Variants in KLF4 observed in about 807,000 individuals in gnomAD.
KLF4 encodes the protein KLF transcription factor 4.
A neutral mutation model predicts 38.0 loss-of-function variants in KLF4; 14 were observed. The observed-to-expected ratio is 0.37, with a 90% CI of 0.24 to 0.58. KLF4 has a LOEUF of 0.58. Ranked by LOEUF, KLF4 falls within the 20% of genes least tolerant of loss-of-function variation. The pLI, the probability that KLF4 is intolerant of heterozygous loss-of-function variation, is 0.76. For missense variants in KLF4, 737 were observed against 670.1 expected (o/e 1.10, Z -1.10); for synonymous variants, 398 against 302.5 (o/e 1.32, Z -3.28).
intron 4 of KLF4, among the ~76,000 whole-genome samples, chr9:107,486,544 A>C (rs1426253790): frequency 6.6e-6 from 1 of 151,968 alleles, no homozygotes; most frequent in East Asian, 1.9e-4. Flanking sequence ...CAAAACGAAC[A>C]AAAAATAAAA....
intron 4 of KLF4, among the ~76,000 whole-genome samples, chr9:107,486,496 CCTT>C (rs1272385859): frequency 6.6e-6 from 1 of 151,338 alleles, no homozygotes; most frequent in Non-Finnish European, 1.5e-5. Context: ...TAAAATAAAA[CCTT>C]CTGCTTGTGG....
rs1348583597 is a variant in KLF4 at position 107,487,571 on chromosome 9, G to A, written c.823C>T (p.Pro275Ser). 1 of 1,580,842 alleles carries A rather than the reference G, an allele frequency of 6.3e-7. No individual in the cohort carries two copies. Among genetic ancestry groups the A allele is most frequent in the Non-Finnish European group, 8.6e-7 (1 of 1,167,654 alleles). ...PYNGGPPRTC[P>S]KIKQEAVSSC... ...GAGACCGCCTCCTGCTTGATCTTGG[G>A]GCACGTGCGCGGCGGCCCGCCGTTG... Residue 275 changes from proline to serine, a missense_variant, in exon 3 of 5, where the codon CCC becomes TCC. Physicochemically the swap from Pro to Ser is moderately conservative, Grantham distance 74. Transcript: ENST00000374672. The surrounding 1 kb of genome is among the most constrained non-coding windows in gnomAD (Gnocchi z 6.1).
At position 107,489,730 on chromosome 9, in the gene KLF4, G is replaced by C. The variant is rs1043434938; in HGVS notation, c.-558C>G. The C allele has an allele frequency of 9.6e-6, 2 of 207,476 alleles. No homozygotes were observed. The highest frequency in any genetic ancestry group is 4.6e-5 in the African/African-American group (2 of 43,920). The allele number at this position is 207,476 out of a possible 1,614,324, so 12.9% of individuals were successfully genotyped here. A position where few individuals can be genotyped will look rare whatever the true frequency, so the allele number is the denominator to read the frequency against. Reference sequence around the variant, plus strand: ...CCGCCACCGCCTCTGCTCCCCGCGCGCCCGCAGACACGTTCGTTCTCTCTG... The same window carrying C: ...CCGCCACCGCCTCTGCTCCCCGCGCCCCCGCAGACACGTTCGTTCTCTCTG... On this transcript the variant is annotated 5_prime_UTR_variant, in exon 1 of 5. Coordinates refer to ENST00000374672, the MANE Select transcript of KLF4 (RefSeq NM_004235.6).
chr9:107,486,724 A>G (rs1829069450), intron 4 of KLF4, among the ~76,000 whole-genome samples: 1 of 152,042 alleles, frequency 6.6e-6, no homozygotes, highest in Admixed American at 6.6e-5. Flanking sequence ...AGGCCCACAG[A>G]CCGCGGGGAA....
Position 107,487,453 on chromosome 9 carries a change from C to T in KLF4, c.941G>A (p.Arg314Lys). The change falls in exon 3 of 5, where the codon AGG becomes AAG. Residue 314 changes from arginine to lysine, a missense_variant. This residue lies in a region of KLF4 where 695 missense variants were observed against 554.5 expected (regional missense o/e 1.25). Transcript: ENST00000374672. The surrounding 1 kb of genome is among the most constrained non-coding windows in gnomAD (Gnocchi z 6.1). ...CTCAAGACCCAGGGTCGGGGTAGTCCTGCTGGGGAGCTGCCGCCCCAGGGG... is the reference window on the plus strand; with the variant it reads ...CTCAAGACCCAGGGTCGGGGTAGTCTTGCTGGGGAGCTGCCGCCCCAGGGG... ...DFPLGRQLPS[R>K]TTPTLGLEEV... 6.5e-7 allele frequency: 1 copy of T among 1,533,148 alleles called. No individual in the cohort carries two copies. The highest frequency in any genetic ancestry group is 8.8e-7 in the Non-Finnish European group (1 of 1,142,100). The allele number at this position is 1,533,148 out of a possible 1,614,324, so 95.0% of individuals were successfully genotyped here.
In KLF4 at chr9:107,489,205, C is replaced by T. The variant is rs1332669998; in HGVS notation, c.-33G>A. 2.4e-5 allele frequency: 35 copies of T among 1,469,422 alleles called. No individual in the cohort carries two copies. Among genetic ancestry groups the T allele is most frequent in the Non-Finnish European group, 3.2e-5 (35 of 1,107,498 alleles). The allele number at this position is 1,469,422 out of a possible 1,614,324, so 91.0% of individuals were successfully genotyped here. A position where few individuals can be genotyped will look rare whatever the true frequency, so the allele number is the denominator to read the frequency against. Reference sequence around the variant, plus strand: ...GGGGCCCAGAAGGTCCTCGGCAGCCCGAAGCAGCTGGGGCACCTGAACCCC... The same window carrying T: ...GGGGCCCAGAAGGTCCTCGGCAGCCTGAAGCAGCTGGGGCACCTGAACCCC... On this transcript the variant is annotated 5_prime_UTR_variant, in exon 1 of 5. Transcript: ENST00000374672.
At position 107,487,407 on chromosome 9, in the gene KLF4, G is replaced by C; in HGVS notation, c.987C>G (p.Asp329Glu). The C allele has an allele frequency of 6.6e-7, 1 of 1,521,426 alleles. No individual in the cohort carries two copies. The highest frequency in any genetic ancestry group is 1.3e-5 in the South Asian group (1 of 76,212). The allele number at this position is 1,521,426 out of a possible 1,614,324, so 94.2% of individuals were successfully genotyped here. The change falls in exon 3 of 5, where the codon GAC becomes GAG. Residue 329 changes from aspartate to glutamate, a missense_variant. Asp to Glu is a conservative substitution (Grantham distance 45). Transcript: ENST00000374672. This position sits in a 1 kb window ranked among gnomAD's most constrained non-coding sequence, Gnocchi z 6.1. ...LGLEEVLSSR[D>E]CHPALPLPPG... ...GAGGAAGCGGCAGGGCAGGGTGACA[G>C]TCCCTGCTGCTCAGCACTTCCTCAA... is the stretch of plus-strand genomic sequence containing the variant.
intron 1 of KLF4, 24 bp from the exon 2 acceptor site, chr9:107,489,074 G>C: frequency 2.6e-6 from 4 of 1,552,574 alleles, no homozygotes; most frequent in Non-Finnish European, 3.5e-6. Context: ...AGGGAGCGGA[G>C]ACAGGAGAGT....
intron 1 of KLF4, 53 bp from the exon 2 acceptor site, chr9:107,489,103 G>T: frequency 3.9e-6 from 6 of 1,549,564 alleles, no homozygotes; most frequent in Non-Finnish European, 5.2e-6. Context: ...GCTTTCGGCC[G>T]TCGTTCCGGC....
rs1370511051 is a variant in KLF4 at position 107,485,747 on chromosome 9, G to C, written c.*4C>G. The C allele has an allele frequency of 1.9e-6, 3 of 1,579,688 alleles. No individual in the cohort carries two copies. In the Admixed American group the frequency reaches 5.9e-5, roughly 31 times the overall value. On this transcript the variant is annotated 3_prime_UTR_variant, in exon 5 of 5. Coordinates refer to ENST00000374672, the MANE Select transcript of KLF4 (RefSeq NM_004235.6). This position sits in a 1 kb window ranked among gnomAD's most constrained non-coding sequence, Gnocchi z 4.9. ...CAGTGTGGGTCATATCCACTGTCTG[G>C]GATTTAAAAATGCCTCTTCATGTGT... is the stretch of plus-strand genomic sequence containing the variant.
rs751611404 is a variant in KLF4 at position 107,488,024 on chromosome 9, C to T, written c.370G>A (p.Val124Met). The change falls in exon 3 of 5, where the codon GTG becomes ATG. Residue 124 changes from valine (V) to methionine (M), a missense_variant. By Grantham distance (21) the Val-to-Met change is conservative. Transcript: ENST00000374672. This position sits in a 1 kb window ranked among gnomAD's most constrained non-coding sequence, Gnocchi z 5.7. ...GAGGAGGCTGACGCTGACGAGGACA[C>T]GGTGGCGGCCACTGACTCCGGAGGA... Reference protein sequence around the residue: ...THPPESVAATVSSSASASSSS... With the variant: ...THPPESVAATMSSSASASSSS... 2.5e-6 allele frequency: 4 copies of T among 1,608,480 alleles called. No individual in the cohort carries two copies. The highest frequency in any genetic ancestry group is 1.1e-5 in the South Asian group (1 of 90,608).
chr9:107,487,582 G>A lies in KLF4; in HGVS notation c.812C>T (p.Pro271Leu). 6.3e-7 allele frequency: 1 copy of A among 1,579,066 alleles called. No homozygotes were observed. The highest frequency in any genetic ancestry group is 8.6e-7 in the Non-Finnish European group (1 of 1,167,408). The change falls in exon 3 of 5, where the codon CCG (proline) becomes CTG (leucine). Residue 271 changes from proline (P) to leucine (L), a missense_variant. Around this residue, in one of 2 missense-constraint regions of KLF4, gnomAD observed 695 missense variants for 554.5 expected, o/e 1.25. Transcript: ENST00000374672. This position sits in a 1 kb window ranked among gnomAD's most constrained non-coding sequence, Gnocchi z 6.1. ...CTGCTTGATCTTGGGGCACGTGCGC[G>A]GCGGCCCGCCGTTGTAGGGCGCCAC... ...VVVAPYNGGP[P>L]RTCPKIKQEA...
In KLF4 at chr9:107,488,294, G is replaced by C. The variant is rs1314327511; in HGVS notation, c.127-27C>G. 1.3e-6 allele frequency: 2 copies of C among 1,547,664 alleles called. No homozygotes were observed. The highest frequency in any genetic ancestry group is 2.3e-5 in the East Asian group (1 of 42,590). ...TGCGGGGACAGGGCGGGAGAGACCT[G>C]TCAGTGGTGGTCCCCTGTTGCCACC... On this transcript the variant is annotated intron_variant, in intron 2 of 4. Coordinates refer to ENST00000374672, the MANE Select transcript of KLF4 (RefSeq NM_004235.6). This position sits in a 1 kb window ranked among gnomAD's most constrained non-coding sequence, Gnocchi z 5.7.
At chr9:107,489,095 T>C in intron 1 of KLF4, 45 bp from the exon 2 acceptor site, 1 of 1,550,304 alleles carries the variant, frequency 6.5e-7, no homozygotes. Context: ...CAGGGGCGGC[T>C]TTCGGCCGTC....
chr9:107,486,034 G>A, intron 4 of KLF4, 108 bp from the exon 5 acceptor site: 2 of 914,764 alleles, frequency 2.2e-6, no homozygotes, highest in Non-Finnish European at 3.3e-6. Context: ...CTATCCTAAA[G>A]AAATCCAGGA....
rs149339934 is a variant in KLF4, at chr9:107,488,132, G to T, written c.262C>A (p.Leu88Met). The change falls in exon 3 of 5, where the codon CTG becomes ATG. Residue 88 changes from leucine (L) to methionine (M), a missense_variant. By Grantham distance (15) the Leu-to-Met change is conservative. Around this residue, in one of 2 missense-constraint regions of KLF4, gnomAD observed 695 missense variants for 554.5 expected, o/e 1.25. Coordinates refer to ENST00000374672, the MANE Select transcript of KLF4 (RefSeq NM_004235.6). This position sits in a 1 kb window ranked among gnomAD's most constrained non-coding sequence, Gnocchi z 5.7. ...GAGAACGGSN[L>M]APLPRRETEE... ...GTCTCTCTCCGAGGTAGGGGCGCCA[G>T]GTTGCTACCGCCGCAAGCCGCACCG... 278 of 1,612,552 alleles carry T rather than the reference G, an allele frequency of 1.7e-4. No homozygotes were observed. Among genetic ancestry groups the T allele is most frequent in the Non-Finnish European group, 2.1e-4 (253 of 1,179,908 alleles).
At position 107,485,273 on chromosome 9, in the gene KLF4, T is replaced by G; in HGVS notation, c.*478A>C. The G allele has an allele frequency of 4.7e-6, 1 of 214,206 alleles. No homozygotes were observed. Among genetic ancestry groups the G allele is most frequent in the Non-Finnish European group, 9.4e-6 (1 of 105,968 alleles). 13.3% of individuals were successfully genotyped at this position (214,206 alleles called of 1,614,324 possible). A position where few individuals can be genotyped will look rare whatever the true frequency, so the allele number is the denominator to read the frequency against. ...AACCAAGACTCACCAAGCACCATCA[T>G]TTAGGCTATTTAAACATGTTTTCTG... On this transcript the variant is annotated 3_prime_UTR_variant, in exon 5 of 5. Transcript: ENST00000374672. The surrounding 1 kb of genome is among the most constrained non-coding windows in gnomAD (Gnocchi z 4.9).
rs757818947 is a variant in KLF4 at position 107,487,177 on chromosome 9, C to A, written c.1115G>T (p.Gly372Val). Reference protein sequence around the residue: ...PLHYQELMPPGSCMPEEPKPK... With the variant: ...PLHYQELMPPVSCMPEEPKPK... The stretch of plus-strand genomic sequence containing the variant: ...CTTGGGCTCCTCTGGCATGCAGGAA[C>A]CGGGTGGCATGAGCTCTAGGGGTGA... The change falls in exon 4 of 5, where the codon GGT (glycine) becomes GTT (valine). Residue 372 changes from glycine to valine, a missense_variant. Gly to Val is a moderately radical substitution (Grantham distance 109). Around this residue, in one of 2 missense-constraint regions of KLF4, gnomAD observed 695 missense variants for 554.5 expected, o/e 1.25. Transcript: ENST00000374672. This position sits in a 1 kb window ranked among gnomAD's most constrained non-coding sequence, Gnocchi z 6.1. The A allele has an allele frequency of 6.2e-7, 1 of 1,614,140 alleles. No individual in the cohort carries two copies. Among genetic ancestry groups the A allele is most frequent in the Non-Finnish European group, 8.5e-7 (1 of 1,180,026 alleles).
chr9:107,487,298 G>C lies in KLF4; in HGVS notation c.1096C>G (p.Gln366Glu), dbSNP rs774702017. The change falls in exon 3 of 5, where the codon CAA becomes GAA. Residue 366 changes from glutamine (Q) to glutamate (E), a missense_variant. Coordinates refer to ENST00000374672, the MANE Select transcript of KLF4 (RefSeq NM_004235.6). This position sits in a 1 kb window ranked among gnomAD's most constrained non-coding sequence, Gnocchi z 6.1. ...GCTACAAATCCCCGGGACTGACCTT[G>C]GTAATGGAGCGGCGGGACTTGCGGC... Reference protein sequence around the residue: ...MQPQVPPLHYQELMPPGSCMP... With the variant: ...MQPQVPPLHYEELMPPGSCMP... 6.3e-7 allele frequency: 1 copy of C among 1,585,238 alleles called. No individual in the cohort carries two copies. Among genetic ancestry groups the C allele is most frequent in the Non-Finnish European group, 8.6e-7 (1 of 1,164,960 alleles).
Sources: allele counts gnomAD v4.1 joint callset (sites outside exome capture counted in the v4.1 genomes callset), GRCh38; gene constraint gnomAD v4.1.1; regional missense constraint gnomAD v4.1.1; non-coding constraint Gnocchi (gnomAD v3.1); transcripts MANE v1.5; gene names NCBI Gene and HGNC (gene_info 2026-07-23, HGNC 2026-07-21).